DGKB: variants seen among roughly 807,000 people sequenced by gnomAD.
DGKB encodes the protein diacylglycerol kinase beta, also known as 90 kDa diacylglycerol kinase.
Under a neutral mutation model 114.3 loss-of-function variants are expected in DGKB, and 67 were observed. That is an observed-to-expected ratio of 0.59 (90% CI 0.48 to 0.72). The LOEUF (loss-of-function observed/expected upper bound fraction) is 0.72. Among genes scored for constraint, DGKB ranks in the 30% least tolerant of loss-of-function variants. The pLI, the probability that DGKB is intolerant of heterozygous loss-of-function variation, is 0.00. For synonymous variants in DGKB, 398 were observed against 323.1 expected, an observed-to-expected ratio of 1.23 and a Z score of -2.49; for missense variants, 907 against 975.2, an observed-to-expected ratio of 0.93 and a Z score of 0.93.
chr7:14,888,987 G>C (rs568994159), intron 1 of DGKB, among the ~76,000 whole-genome samples: 34 of 151,660 alleles, frequency 2.2e-4, no homozygotes, highest in Admixed American at 2.0e-4. Context: ...ATGGATTGTA[G>C]CAGCCAGGAA....
intron 2 of DGKB, among the ~76,000 whole-genome samples, chr7:14,762,578 C>T (rs940033610): frequency 1.3e-5 from 2 of 152,104 alleles, no homozygotes; most frequent in African/African-American, 2.4e-5. Flanking sequence ...AAAAGTACTA[C>T]ATGAAAAATG....
At position 14,327,043 on chromosome 7, in the gene DGKB, T is replaced by C. The variant is rs181173913; in HGVS notation, c.2122+11472A>G. ...TGTCAGTTGTGTTTTTTAGTTTAATTCAACTTTTATACCTATAGTAATTCA... is the reference window on the plus strand; with the variant it reads ...TGTCAGTTGTGTTTTTTAGTTTAATCCAACTTTTATACCTATAGTAATTCA... On this transcript the variant is annotated intron_variant, in intron 23 of 25. Coordinates refer to ENST00000402815, the MANE Select transcript of DGKB (RefSeq NM_001350709.2). 1.1e-3 allele frequency among the ~76,000 whole-genome samples: 160 copies of C among 152,318 alleles called. 3 individuals carry two copies. The highest frequency in any genetic ancestry group is 0.01 in the Admixed American group (160 of 15,288).
At position 14,147,376 on chromosome 7, in the gene DGKB, G is replaced by A. The variant is rs368035299; in HGVS notation, c.*1755C>T. On this transcript the variant is annotated 3_prime_UTR_variant, in exon 26 of 26. Coordinates refer to ENST00000402815, the MANE Select transcript of DGKB (RefSeq NM_001350709.2). Reference sequence around the variant, plus strand: ...AGCTTATTGTTGATTGATATTTACCGTCCAATGTTCCAGGAACACTAAAAG... The same window carrying A: ...AGCTTATTGTTGATTGATATTTACCATCCAATGTTCCAGGAACACTAAAAG... 18 of 152,050 alleles carry A rather than the reference G, an allele frequency of 1.2e-4. 1 individual carries two copies. The highest frequency in any genetic ancestry group is 2.4e-4 in the African/African-American group (10 of 41,504). The allele number at this position is 152,050 out of a possible 1,614,324, so 9.4% of individuals were successfully genotyped here. A position where few individuals can be genotyped will look rare whatever the true frequency, so the allele number is the denominator to read the frequency against.
chr7:14,739,636 G>C (rs2128408611), intron 4 of DGKB, among the ~76,000 whole-genome samples: 1 of 152,230 alleles, frequency 6.6e-6, no homozygotes, highest in South Asian at 2.1e-4. Context: ...GGCCTATATG[G>C]GGATATGAGG....
intron 20 of DGKB, among the ~76,000 whole-genome samples, chr7:14,554,895 A>G (rs1795660250): frequency 1.3e-5 from 2 of 152,020 alleles, no homozygotes; most frequent in African/African-American, 4.8e-5. Context: ...TATCTTTATT[A>G]TTTTTGTTGA....
chr7:14,585,633 T>C (rs1188524770), intron 17 of DGKB, among the ~76,000 whole-genome samples: 1 of 152,206 alleles, frequency 6.6e-6, no homozygotes, highest in Non-Finnish European at 1.5e-5. Flanking sequence ...GCATACCTCA[T>C]TGTATTACTC....
intron 23 of DGKB, among the ~76,000 whole-genome samples, chr7:14,231,109 T>C (rs930258631): frequency 7.9e-6 from 1 of 126,712 alleles, no homozygotes; most frequent in African/African-American, 2.8e-5. Flanking sequence ...CTTTCTTTCT[T>C]TCTTTCTTTC....
intron 20 of DGKB, among the ~76,000 whole-genome samples, chr7:14,512,078 T>C (rs1788059572): frequency 6.6e-6 from 1 of 152,066 alleles, no homozygotes; most frequent in Admixed American, 6.5e-5. Flanking sequence ...AAACATAAAG[T>C]GATCACATGC....
intron 21 of DGKB, among the ~76,000 whole-genome samples, chr7:14,434,953 C>G (rs762042403): frequency 2.0e-4 from 31 of 152,048 alleles, no homozygotes; most frequent in Non-Finnish European, 4.3e-4. Context: ...ATCTCTTGAC[C>G]TTCTAAGATG....
chr7:14,353,208 T>A (rs917241455), intron 21 of DGKB, among the ~76,000 whole-genome samples: 1 of 152,014 alleles, frequency 6.6e-6, no homozygotes, highest in Non-Finnish European at 1.5e-5. Context: ...TCCTGAGCCA[T>A]AAGGAAAATG....
chr7:14,211,534 T>TCCTC (rs1787913012), intron 23 of DGKB, among the ~76,000 whole-genome samples: 1 of 21,000 alleles, frequency 4.8e-5, no homozygotes, highest in African/African-American at 3.8e-4. Context: ...TTTTGTGATT[T>TCCTC]TACTCTCATG....
At chr7:14,864,038 G>A (rs917076951) in intron 1 of DGKB, among the ~76,000 whole-genome samples, 7 of 150,532 alleles carry the variant, frequency 4.7e-5, no homozygotes, top group Non-Finnish European at 7.4e-5. Context: ...GGCAGAGGTT[G>A]CGATCAGCCA....
At position 14,964,770 on chromosome 7, in the gene DGKB, A is replaced by C. The variant is rs146365389; in HGVS notation, c.-188+9926T>G. ...TGACTGTTGGTCATTAAATGAGATA[A>C]GATGCAAAAGGGATAATTTCTTGAA... On this transcript the variant is annotated intron_variant, in intron 1 of 4. Transcript: ENST00000437998. Among the ~76,000 whole-genome samples the C allele has an allele frequency of 3.6e-3, 554 of 152,222 alleles. 3 individuals are homozygous for C. Among genetic ancestry groups the C allele is most frequent in the Non-Finnish European group, 6.2e-3 (420 of 68,020 alleles).
chr7:14,729,270 C>T (rs564888564), intron 5 of DGKB, among the ~76,000 whole-genome samples: 2 of 146,964 alleles, frequency 1.4e-5, no homozygotes, highest in South Asian at 4.3e-4. Context: ...CTACAGGCGC[C>T]TGCCACCACA....
At chr7:14,911,110 A>AT (rs1783980969) in intron 1 of DGKB, among the ~76,000 whole-genome samples, 1 of 152,118 alleles carries the variant, frequency 6.6e-6, no homozygotes, top group Admixed American at 6.5e-5. Context: ...CAATGTATAC[A>AT]TGTAGTAAAA....
intron 23 of DGKB, among the ~76,000 whole-genome samples, chr7:14,225,377 T>C (rs935244006): frequency 9.2e-5 from 14 of 152,110 alleles, no homozygotes; most frequent in African/African-American, 3.4e-4. Flanking sequence ...ATGATCCATG[T>C]GTGCCTTTTT....
chr7:14,158,246 ATCTG>A (rs1187526053), intron 25 of DGKB, among the ~76,000 whole-genome samples: 3 of 152,184 alleles, frequency 2.0e-5, no homozygotes, highest in Non-Finnish European at 2.9e-5. Context: ...CCCCTCTTCT[ATCTG>A]AGACAACACA....
At chr7:14,538,956 G>A (rs1431110877) in intron 20 of DGKB, among the ~76,000 whole-genome samples, 2 of 152,122 alleles carry the variant, frequency 1.3e-5, no homozygotes, top group Non-Finnish European at 2.9e-5. Flanking sequence ...TAGTAAAATG[G>A]TAGTTACCAA....
At chr7:14,964,551 C>T (rs1562908534) in intron 1 of DGKB, among the ~76,000 whole-genome samples, 4 of 151,954 alleles carry the variant, frequency 2.6e-5, no homozygotes, top group Admixed American at 2.0e-4. Context: ...GTATTACAGA[C>T]AGAATTTAGA....
Sources: gnomAD v4.1 joint callset for allele counts (sites outside exome capture counted in the v4.1 genomes callset) on GRCh38, gnomAD v4.1.1 for gene constraint, MANE v1.5 for transcripts, NCBI Gene and HGNC (gene_info 2026-07-23, HGNC 2026-07-21) for gene names.